RANGAP1: variants seen among roughly 807,000 people sequenced by gnomAD.
The protein encoded by RANGAP1 is ran GTPase-activating protein 1.
RANGAP1 carries 38 observed loss-of-function variants against 63.5 expected under a neutral mutation model. That is an observed-to-expected ratio of 0.60 (90% CI 0.46 to 0.78). The LOEUF (loss-of-function observed/expected upper bound fraction) is 0.78, where lower values mean the gene tolerates loss of function less well. Ranked by LOEUF, RANGAP1 falls within the 30% of genes least tolerant of loss-of-function variation. The pLI, the probability that RANGAP1 is intolerant of heterozygous loss-of-function variation, is 0.00. For synonymous variants in RANGAP1, 329 were observed against 310.5 expected (o/e 1.06, Z -0.63); for missense variants, 630 against 740.3 (o/e 0.85, Z 1.73).
At chr22:41,299,301 T>A in the RANGAP1 span, among the ~76,000 whole-genome samples, 1 of 151,826 alleles carries the variant, frequency 6.6e-6, no homozygotes. Flanking sequence ...CCTGGCTAAT[T>A]TTTTGTATTT....
Position 41,245,049 on chromosome 22 carries a change from C to T in RANGAP1, c.*1554G>A, listed in dbSNP as rs887921079. 6.6e-6 allele frequency among the ~76,000 whole-genome samples: 1 copy of T among 152,198 alleles called. No individual in the cohort carries two copies. The highest frequency in any genetic ancestry group is 2.1e-4 in the South Asian group (1 of 4,836). On this transcript the variant is annotated 3_prime_UTR_variant, in exon 16 of 16. Transcript: ENST00000356244. ...CATTTAACATGTTTTCAAAGTTCAT[C>T]CACGTTGTAGCTGGCATCAGAACTT...
rs2034696029 is a variant in RANGAP1 at position 41,269,873 on chromosome 22, A to C, written c.241-1717T>G. ...TTGAGACAGAGTCTCACCCTGTCGC[A>C]CCCAGGCTGGAGTGCAGTGGAGCAA... is the stretch of plus-strand genomic sequence containing the variant. On this transcript the variant is annotated intron_variant, in intron 3 of 15. Transcript: ENST00000356244. Among the ~76,000 whole-genome samples, 3 of 152,052 alleles carry C rather than the reference A, an allele frequency of 2.0e-5. No individual in the cohort carries two copies. The South Asian group carries it at 6.2e-4, about 32-fold the overall frequency.
At chr22:41,287,376 T>TC (rs1412483932), upstream of RANGAP1, among the ~76,000 whole-genome samples, 1 of 130,470 alleles carries the variant, frequency 7.7e-6, no homozygotes, top group Non-Finnish European at 1.7e-5. Context: ...ACAGCGTTTT[T>TC]TTTTTGTTTT....
In RANGAP1 at chr22:41,251,053, C is replaced by T; in HGVS notation, c.1437G>A (p.Val479=). Residue 479 remains valine, a synonymous_variant, in exon 13 of 16, where the codon GTG becomes GTA. Coordinates refer to ENST00000356244, the MANE Select transcript of RANGAP1 (RefSeq NM_002883.4). ...VVSAFLKVSS[V]FKDEATVRMA... The stretch of plus-strand genomic sequence containing the variant: ...TCCTCACAGTAGCTTCGTCCTTGAA[C>T]ACAGATGACACCTTTAGGAAGGCAG... 6.2e-7 allele frequency: 1 copy of T among 1,614,188 alleles called. No individual in the cohort carries two copies. The highest frequency in any genetic ancestry group is 1.6e-4 in the Middle Eastern group (1 of 6,062).
At chr22:41,290,757 C>T (rs1430407754), upstream of RANGAP1, among the ~76,000 whole-genome samples, 1 of 152,128 alleles carries the variant, frequency 6.6e-6, no homozygotes, top group East Asian at 1.9e-4. Context: ...AACTTAATTG[C>T]CAATTGTAAA....
chr22:41,271,403 A>C (rs866765566), intron 3 of RANGAP1, among the ~76,000 whole-genome samples: 13 of 149,768 alleles, frequency 8.7e-5, no homozygotes, highest in African/African-American at 9.9e-5. Context: ...AAACAAAAAA[A>C]AAAAACAAAA....
upstream of RANGAP1, among the ~76,000 whole-genome samples, chr22:41,290,088 G>A (rs568938894): frequency 6.6e-6 from 1 of 151,302 alleles, no homozygotes; most frequent in Admixed American, 6.6e-5. Context: ...TGGTTGCAGT[G>A]AGCCATGGTC....
intron 15 of RANGAP1, among the ~76,000 whole-genome samples, chr22:41,247,046 T>C (rs900142712): frequency 1.3e-5 from 2 of 152,084 alleles, no homozygotes; most frequent in East Asian, 1.9e-4. Context: ...TTGGTTGCTT[T>C]TTTTCTTTTT....
chr22:41,264,802 C>A lies in RANGAP1; in HGVS notation c.342G>T (p.Leu114=), dbSNP rs568330976. The A allele has an allele frequency of 2.5e-6, 4 of 1,613,488 alleles. No homozygotes were observed. The highest frequency in any genetic ancestry group is 1.1e-5 in the South Asian group (1 of 91,070). The change falls in exon 5 of 16, where the codon CTG becomes CTT. Residue 114 remains leucine, a synonymous_variant. Transcript: ENST00000356244. The part of the protein sequence containing the change: ...GEGLITAGAQ[L]VELDLSDNAF... ...CGTTGTCGCTTAAGTCCAGCTCCAC[C>A]AGCTGAGCCCCAGCTGTGATGAGTC...
chr22:41,272,776 A>T (rs1468295187), intron 3 of RANGAP1, among the ~76,000 whole-genome samples: 2 of 151,516 alleles, frequency 1.3e-5, no homozygotes, highest in Admixed American at 6.6e-5. Context: ...GGCCTCCCAA[A>T]GTGCTAGGAT....
intron 4 of RANGAP1, among the ~76,000 whole-genome samples, chr22:41,266,119 A>G (rs201658090): frequency 1.2e-4 from 18 of 151,420 alleles, no homozygotes; most frequent in East Asian, 3.9e-4. Flanking sequence ...GGAGAATGGC[A>G]TGAACCCGGG....
intron 3 of RANGAP1, among the ~76,000 whole-genome samples, chr22:41,268,388 T>G (rs959556569): frequency 6.6e-6 from 1 of 152,116 alleles, no homozygotes; most frequent in South Asian, 2.1e-4. Context: ...CCGGAGTAGC[T>G]GGGATTACAG....
At chr22:41,279,327 G>A (rs2064606216) in intron 2 of RANGAP1, among the ~76,000 whole-genome samples, 2 of 152,068 alleles carry the variant, frequency 1.3e-5, no homozygotes, top group South Asian at 4.1e-4. Context: ...AAAATTAGCG[G>A]AGCATGGTGG....
At chr22:41,298,058 A>AT in the RANGAP1 span, among the ~76,000 whole-genome samples, 1 of 151,858 alleles carries the variant, frequency 6.6e-6, no homozygotes, top group Non-Finnish European at 1.5e-5. Flanking sequence ...AGGTTTCCCC[A>AT]TGTTGGCCAG....
At chr22:41,277,567 G>T in intron 2 of RANGAP1, 1 of 1,100,606 alleles carries the variant, frequency 9.1e-7, no homozygotes, top group Non-Finnish European at 1.2e-6. Flanking sequence ...GATAAAGTTT[G>T]AACTTGACCT....
At chr22:41,292,362 C>G in the RANGAP1 span, among the ~76,000 whole-genome samples, 1 of 151,390 alleles carries the variant, frequency 6.6e-6, no homozygotes, top group African/African-American at 2.4e-5. Context: ...GTTGGCCAGG[C>G]TGATCTCAAA....
At position 41,257,873 on chromosome 22, in the gene RANGAP1, C is replaced by T. The variant is rs1206857757; in HGVS notation, c.774+75G>A. ...GTAGAGGAGTCCCTGCTAAACGGAG[C>T]CCCAGCTTCCCTGGAAAGACAGCAG... On this transcript the variant is annotated intron_variant, in intron 7 of 15. Transcript: ENST00000356244. The surrounding 1 kb of genome is among the most constrained non-coding windows in gnomAD (Gnocchi z 4.0). The T allele has an allele frequency of 1.3e-6, 2 of 1,491,398 alleles. No individual in the cohort carries two copies. The highest frequency in any genetic ancestry group is 2.8e-5 in the African/African-American group (2 of 71,804). 92.4% of individuals were successfully genotyped at this position (1,491,398 alleles called of 1,614,324 possible). A position where few individuals can be genotyped will look rare whatever the true frequency, so the allele number is the denominator to read the frequency against.
upstream of RANGAP1, among the ~76,000 whole-genome samples, chr22:41,287,633 C>T (rs2035785218): frequency 1.3e-5 from 2 of 151,356 alleles, no homozygotes; most frequent in South Asian, 4.2e-4. Flanking sequence ...GCATTTCAGC[C>T]CTGGCGACAG....
intron 4 of RANGAP1, among the ~76,000 whole-genome samples, chr22:41,267,328 G>A (rs1601657444): frequency 1.3e-5 from 2 of 152,088 alleles, no homozygotes; most frequent in East Asian, 3.9e-4. Flanking sequence ...AACAGAGCAA[G>A]ACCCTGTCTT....
Sources: gnomAD v4.1 joint callset for allele counts (sites outside exome capture counted in the v4.1 genomes callset) on GRCh38, gnomAD v4.1.1 for gene constraint, Gnocchi (gnomAD v3.1) non-coding constraint, MANE v1.5 for transcripts, NCBI Gene and HGNC (gene_info 2026-07-23, HGNC 2026-07-21) for gene names.